The following TTC39C variants were observed in gnomAD, a reference collection of about 807,000 sequenced individuals.
TTC39C encodes tetratricopeptide repeat protein 39C.
TTC39C carries 33 observed loss-of-function variants against 76.3 expected under a neutral mutation model. That is an observed-to-expected ratio of 0.43 (90% CI 0.33 to 0.58). The LOEUF (loss-of-function observed/expected upper bound fraction) is 0.58, where lower values mean the gene tolerates loss of function less well. TTC39C is among the 20% of genes least tolerant of loss of function. TTC39C has a pLI of 0.04. For missense variants in TTC39C, 595 were observed against 701.4 expected (o/e 0.85, Z 1.71); for synonymous variants, 254 against 260.6 (o/e 0.97, Z 0.24).
At chr18:24,060,970 C>T (rs1009381592) in intron 1 of TTC39C, among the ~76,000 whole-genome samples, 2 of 152,050 alleles carry the variant, frequency 1.3e-5, no homozygotes, top group Non-Finnish European at 2.9e-5. Flanking sequence ...ACTGGATTTG[C>T]TTTTAGGGAC....
intron 1 of TTC39C, among the ~76,000 whole-genome samples, chr18:24,058,088 C>T (rs1403880397): frequency 6.6e-6 from 1 of 152,178 alleles, no homozygotes; most frequent in Non-Finnish European, 1.5e-5. Context: ...CATGTCCTCA[C>T]TTATAAGTGG....
In TTC39C at chr18:23,998,803, T is replaced by C. The variant is rs1003183892; in HGVS notation, c.-17+5765T>C. Among the ~76,000 whole-genome samples, 6 of 78,694 alleles carry C rather than the reference T, an allele frequency of 7.6e-5. No individual in the cohort carries two copies. In the East Asian group the frequency reaches 2.6e-3, roughly 33 times the overall value. 51.6% of individuals were successfully genotyped at this position (78,694 alleles called of 152,430 possible). ...AGTACTGCAGTCTGAACTGTAAGCA[T>C]GAAGCTGGTGGAGCTCTCTGGAGCA... On this transcript the variant is annotated intron_variant, in intron 1 of 13. Transcript: ENST00000304621.
chr18:24,033,442 T>C (rs1245179291), intron 1 of TTC39C, among the ~76,000 whole-genome samples: 1 of 152,214 alleles, frequency 6.6e-6, no homozygotes, highest in African/African-American at 2.4e-5. Context: ...TCCTCCAAGC[T>C]GACTCAATTT....
intron 2 of TTC39C, among the ~76,000 whole-genome samples, chr18:24,064,473 G>A (rs953993775): frequency 6.6e-6 from 1 of 152,046 alleles, no homozygotes; most frequent in African/African-American, 2.4e-5. Context: ...AACTGCATTC[G>A]AGGTAGAAAA....
Position 24,025,998 on chromosome 18 carries a change from C to G in TTC39C, c.167+10960C>G, listed in dbSNP as rs182730808. On this transcript the variant is annotated intron_variant, in intron 1 of 13. Coordinates refer to ENST00000317571, the MANE Select transcript of TTC39C (RefSeq NM_001135993.2). ...TAAAGAGCCCCTAGTGTTGGGCTCC[C>G]TGGGTCCCACTGCCCCTAAACACCA... Among the ~76,000 whole-genome samples the G allele has an allele frequency of 1.1e-4, 16 of 152,286 alleles. No individual in the cohort carries two copies. The East Asian group carries it at 2.5e-3, about 24-fold the overall frequency.
At chr18:24,108,850 G>C (rs1455499274) in intron 6 of TTC39C, among the ~76,000 whole-genome samples, 1 of 152,134 alleles carries the variant, frequency 6.6e-6, no homozygotes, top group Non-Finnish European at 1.5e-5. Context: ...AATTATGCCT[G>C]TTAGATAAAA....
At chr18:24,028,147 A>G (rs1301259329) in intron 1 of TTC39C, among the ~76,000 whole-genome samples, 1 of 152,188 alleles carries the variant, frequency 6.6e-6, no homozygotes, top group African/African-American at 2.4e-5. Flanking sequence ...CATAGGGGAA[A>G]AAAAAAGGAG....
At chr18:24,126,069 C>T (rs2085047413) in intron 10 of TTC39C, among the ~76,000 whole-genome samples, 1 of 152,058 alleles carries the variant, frequency 6.6e-6, no homozygotes, top group South Asian at 2.1e-4. Flanking sequence ...CACCTATAGT[C>T]CCAGCTACTT....
intron 1 of TTC39C, among the ~76,000 whole-genome samples, chr18:24,030,815 C>A (rs1026036733): frequency 6.6e-6 from 1 of 151,998 alleles, no homozygotes; most frequent in Non-Finnish European, 1.5e-5. Flanking sequence ...CCACTACGCC[C>A]GGCTAATTTT....
chr18:24,130,552 T>G (rs199849074), intron 12 of TTC39C, 135 bp downstream of exon 12: 2 of 260,912 alleles, frequency 7.7e-6, no homozygotes, highest in Non-Finnish European at 1.4e-5. Flanking sequence ...TCCTTGGTTT[T>G]ACTTAGAATG....
intron 6 of TTC39C, among the ~76,000 whole-genome samples, chr18:24,092,245 A>G (rs904692142): frequency 8.5e-5 from 13 of 152,132 alleles, no homozygotes; most frequent in African/African-American, 2.7e-4. Flanking sequence ...CACCAAGCTA[A>G]CTACAGTAGG....
chr18:24,069,416 T>C, intron 4 of TTC39C, 145 bp downstream of exon 4: 1 of 682,900 alleles, frequency 1.5e-6, no homozygotes, highest in Non-Finnish European at 2.4e-6. Flanking sequence ...ACTGGGGAAA[T>C]TGAAACCACA....
chr18:24,084,121 C>G (rs1251351961), intron 6 of TTC39C, among the ~76,000 whole-genome samples: 1 of 152,050 alleles, frequency 6.6e-6, no homozygotes, highest in African/African-American at 2.4e-5. Flanking sequence ...ATCTGAAGAC[C>G]ATGCAGAGCA....
chr18:24,111,706 G>A (rs1486724495), intron 6 of TTC39C, among the ~76,000 whole-genome samples: 1 of 151,892 alleles, frequency 6.6e-6, no homozygotes. Flanking sequence ...ACCAGCATGG[G>A]CAGTGTAGTG....
intron 1 of TTC39C, among the ~76,000 whole-genome samples, chr18:24,015,500 G>T (rs1413613784): frequency 6.6e-6 from 1 of 152,240 alleles, no homozygotes; most frequent in Non-Finnish European, 1.5e-5. Context: ...CTCGCGCCTC[G>T]CATGGCTCTG....
chr18:24,069,898 G>A (rs1055612109), intron 4 of TTC39C, among the ~76,000 whole-genome samples: 1 of 152,056 alleles, frequency 6.6e-6, no homozygotes, highest in African/African-American at 2.4e-5. Flanking sequence ...TTAATTATGT[G>A]GTTATGGGTG....
At chr18:24,110,505 G>A (rs2084796030) in intron 6 of TTC39C, among the ~76,000 whole-genome samples, 1 of 152,090 alleles carries the variant, frequency 6.6e-6, no homozygotes, top group African/African-American at 2.4e-5. Context: ...ATATATATAT[G>A]AGAGAGAACT....
chr18:24,045,612 G>A (rs1032030749), intron 1 of TTC39C, among the ~76,000 whole-genome samples: 4 of 151,926 alleles, frequency 2.6e-5, no homozygotes, highest in Admixed American at 1.3e-4. Context: ...TCATTCCACT[G>A]CCTGCAATGG....
rs553930278 is a variant in TTC39C, at chr18:24,098,768, A to C, written c.984+15687A>C. Among the ~76,000 whole-genome samples the C allele has an allele frequency of 4.6e-5, 7 of 151,620 alleles. No homozygotes were observed. In the East Asian group the frequency reaches 1.4e-3, roughly 30 times the overall value. On this transcript the variant is annotated intron_variant, in intron 6 of 13. Coordinates refer to ENST00000317571, the MANE Select transcript of TTC39C (RefSeq NM_001135993.2). ...TGCCTCAGCCTCCTGAGTAGCTGGG[A>C]GTACAGGTGCCCAACACCACACCTG...
Sources: gnomAD v4.1 joint callset for allele counts (sites outside exome capture counted in the v4.1 genomes callset) on GRCh38, gnomAD v4.1.1 for gene constraint, MANE v1.5 for transcripts, NCBI Gene and HGNC (gene_info 2026-07-23, HGNC 2026-07-21) for gene names.